The following ARHGAP26 variants were observed in gnomAD, a reference collection of about 807,000 sequenced individuals.
ARHGAP26 encodes rho GTPase-activating protein 26.
A neutral mutation model predicts 104.8 loss-of-function variants in ARHGAP26; 38 were observed. That is an observed-to-expected ratio of 0.36 (90% CI 0.28 to 0.48). The LOEUF (loss-of-function observed/expected upper bound fraction) is 0.48, where lower values mean the gene tolerates loss of function less well. Ranked by LOEUF, ARHGAP26 falls within the 20% of genes least tolerant of loss-of-function variation. ARHGAP26 has a pLI of 0.99. For missense variants in ARHGAP26, 704 were observed against 947.9 expected (o/e 0.74, Z 3.38); for synonymous variants, 341 against 340.0 (o/e 1.00, Z -0.03).
intron 14 of ARHGAP26, among the ~76,000 whole-genome samples, chr5:143,047,077 T>C (rs1332518644): frequency 6.6e-6 from 1 of 152,232 alleles, no homozygotes; most frequent in Non-Finnish European, 1.5e-5. Flanking sequence ...AGAGTGTGAT[T>C]TTCTCAGGCA....
At chr5:142,851,859 C>T (rs1751583168) in intron 1 of ARHGAP26, among the ~76,000 whole-genome samples, 1 of 152,216 alleles carries the variant, frequency 6.6e-6, no homozygotes, top group Non-Finnish European at 1.5e-5. Flanking sequence ...ATTAATTTCA[C>T]ACTTTGTCAT....
At chr5:143,010,522 G>T (rs566240647) in intron 11 of ARHGAP26, among the ~76,000 whole-genome samples, 1 of 152,320 alleles carries the variant, frequency 6.6e-6, no homozygotes, top group South Asian at 2.1e-4. Flanking sequence ...GGCCTTCTTT[G>T]TTGGGCCCTG....
chr5:143,002,452 TTGGGAGGA>T (rs1167917130), intron 11 of ARHGAP26, among the ~76,000 whole-genome samples: 1 of 152,152 alleles, frequency 6.6e-6, no homozygotes, highest in Non-Finnish European at 1.5e-5. Context: ...TCAGTTTCTT[TTGGGAGGA>T]TGGGAGGTGG....
At chr5:143,199,591 C>T (rs958336565) in intron 20 of ARHGAP26, among the ~76,000 whole-genome samples, 1 of 152,072 alleles carries the variant, frequency 6.6e-6, no homozygotes, top group Non-Finnish European at 1.5e-5. Context: ...TCAAAGCCGC[C>T]CCCTGTTAGT....
intron 17 of ARHGAP26, among the ~76,000 whole-genome samples, chr5:143,081,053 A>G (rs1789737052): frequency 6.6e-6 from 1 of 151,988 alleles, no homozygotes; most frequent in Non-Finnish European, 1.5e-5. Flanking sequence ...TTTGGCCTTC[A>G]CTGGGGGAGA....
At position 143,143,756 on chromosome 5, in the gene ARHGAP26, C is replaced by G. The variant is rs144605351; in HGVS notation, c.1838-3475C>G. ...AGGAATGGATGGCTAATGGTGACCT[C>G]ACCTGCCACGTTAATGGATGCTGTA... On this transcript the variant is annotated intron_variant, in intron 19 of 22. Coordinates refer to ENST00000645722, the MANE Select transcript of ARHGAP26 (RefSeq NM_001135608.3). Among the ~76,000 whole-genome samples the G allele has an allele frequency of 8.1e-3, 1,239 of 152,308 alleles. 12 individuals carry two copies. The highest frequency in any genetic ancestry group is 0.011 in the Admixed American group (170 of 15,298).
Position 142,928,231 on chromosome 5 carries a change from G to T in ARHGAP26, c.1029-3816G>T, listed in dbSNP as rs865915777. Among the ~76,000 whole-genome samples, 356 of 130,100 alleles carry T rather than the reference G, an allele frequency of 2.7e-3. 1 individual carries two copies. The highest frequency in any genetic ancestry group is 9.8e-3 in the African/African-American group (313 of 31,900). 85.4% of individuals were successfully genotyped at this position (130,100 alleles called of 152,430 possible). The stretch of plus-strand genomic sequence containing the variant: ...TGATTAGGACTTTTTGTGTGTGTGT[G>T]TTTTTTTTTTTTTTTTTAAAACTCA... On this transcript the variant is annotated intron_variant, in intron 10 of 22. Coordinates refer to ENST00000645722, the MANE Select transcript of ARHGAP26 (RefSeq NM_001135608.3).
chr5:143,109,855 A>G (rs774252657), intron 17 of ARHGAP26, among the ~76,000 whole-genome samples: 6 of 152,098 alleles, frequency 3.9e-5, no homozygotes, highest in Admixed American at 2.0e-4. Flanking sequence ...CTCTGATCAG[A>G]ATTTTCTAAT....
intron 19 of ARHGAP26, 111 bp from the exon 20 acceptor site, chr5:143,147,120 G>C: frequency 1.6e-6 from 2 of 1,244,080 alleles, no homozygotes; most frequent in Non-Finnish European, 2.2e-6. Context: ...AAGCTTCCCT[G>C]GGATCAGAGA....
At chr5:142,888,512 A>G (rs1472888817) in intron 5 of ARHGAP26, among the ~76,000 whole-genome samples, 1 of 152,178 alleles carries the variant, frequency 6.6e-6, no homozygotes, top group African/African-American at 2.4e-5. Context: ...TAAAAATTCA[A>G]CTTTTAGGAA....
intron 17 of ARHGAP26, among the ~76,000 whole-genome samples, chr5:143,116,609 A>G (rs1795477012): frequency 6.6e-6 from 1 of 152,194 alleles, no homozygotes. Context: ...TACAAGCCCT[A>G]CAAGGGTTGG....
At chr5:143,020,976 A>G (rs1238283476) in intron 12 of ARHGAP26, among the ~76,000 whole-genome samples, 1 of 152,172 alleles carries the variant, frequency 6.6e-6, no homozygotes, top group African/African-American at 2.4e-5. Context: ...TTATATTTGA[A>G]TAAAAATGCT....
intron 17 of ARHGAP26, among the ~76,000 whole-genome samples, chr5:143,081,737 G>A (rs1789842395): frequency 1.3e-5 from 2 of 152,198 alleles, no homozygotes; most frequent in Non-Finnish European, 2.9e-5. Flanking sequence ...GCTTTTGCTG[G>A]GAGCAGTGGC....
chr5:142,951,062 C>G lies in ARHGAP26; in HGVS notation c.1107+18937C>G, dbSNP rs555860172. Among the ~76,000 whole-genome samples the G allele has an allele frequency of 2.0e-5, 3 of 147,516 alleles. No homozygotes were observed. The East Asian group carries it at 6.3e-4, about 31-fold the overall frequency. Reference sequence around the variant, plus strand: ...CTTTCCCTTCCCCTTCCCCTTCCCCCTCCCCTTCCCTTTCCGAGACAGAGT... The same window carrying G: ...CTTTCCCTTCCCCTTCCCCTTCCCCGTCCCCTTCCCTTTCCGAGACAGAGT... On this transcript the variant is annotated intron_variant, in intron 11 of 22. Coordinates refer to ENST00000645722, the MANE Select transcript of ARHGAP26 (RefSeq NM_001135608.3).
intron 20 of ARHGAP26, among the ~76,000 whole-genome samples, chr5:143,164,273 G>C (rs567951093): frequency 1.3e-5 from 2 of 152,328 alleles, no homozygotes; most frequent in South Asian, 4.1e-4. Flanking sequence ...TAAGTGAAGA[G>C]AGACTGTGCC....
intron 11 of ARHGAP26, among the ~76,000 whole-genome samples, chr5:142,980,557 T>A (rs1773793814): frequency 6.6e-6 from 1 of 151,694 alleles, no homozygotes; most frequent in African/African-American, 2.4e-5. Flanking sequence ...CCCAGCTGAT[T>A]TTTGCATTTT....
At chr5:143,138,839 C>T (rs1000891454) in intron 19 of ARHGAP26, among the ~76,000 whole-genome samples, 2 of 152,110 alleles carry the variant, frequency 1.3e-5, no homozygotes, top group African/African-American at 2.4e-5. Flanking sequence ...GTTTTACAGT[C>T]GAAAGGAAAT....
chr5:143,121,217 G>A, intron 18 of ARHGAP26, 70 bp downstream of exon 18: 1 of 1,520,774 alleles, frequency 6.6e-7, no homozygotes, highest in Non-Finnish European at 9.0e-7. Flanking sequence ...TTGACCTTCA[G>A]AGTTGGCTCA....
At chr5:142,938,943 G>A (rs1230282570) in intron 11 of ARHGAP26, among the ~76,000 whole-genome samples, 1 of 152,182 alleles carries the variant, frequency 6.6e-6, no homozygotes, top group Non-Finnish European at 1.5e-5. Flanking sequence ...CTAGAATTAG[G>A]TGGAATTAGA....
Sources: allele counts gnomAD v4.1 joint callset (sites outside exome capture counted in the v4.1 genomes callset), GRCh38; gene constraint gnomAD v4.1.1; transcripts MANE v1.5; gene names NCBI Gene and HGNC (gene_info 2026-07-23, HGNC 2026-07-21).